Variants in VWA8 observed in about 807,000 individuals in gnomAD.
VWA8 encodes von Willebrand factor A domain containing 8, also known as von Willebrand factor A domain-containing protein 8.
A neutral mutation model predicts 241.5 loss-of-function variants in VWA8; 221 were observed. The ratio of observed to expected loss-of-function variants is 0.91; its 90% CI spans 0.82 to 1.02. The LOEUF (loss-of-function observed/expected upper bound fraction) is 1.02. Ranked by LOEUF, VWA8 falls within the 50% of genes least tolerant of loss-of-function variation. The pLI, the probability that VWA8 is intolerant of heterozygous loss-of-function variation, is 0.00. For missense variants in VWA8, 2,322 were observed against 2,328.7 expected, an observed-to-expected ratio of 1.00 and a Z score of 0.06; for synonymous variants, 852 against 827.1, an observed-to-expected ratio of 1.03 and a Z score of -0.52.
intron 13 of VWA8, 94 bp downstream of exon 13, chr13:41,833,277 T>TA (rs772578842): frequency 4.6e-5 from 64 of 1,392,400 alleles, no homozygotes; most frequent in East Asian, 7.6e-5. Flanking sequence ...CAACCCAGTT[T>TA]AAAAAAAAGA....
chr13:41,782,633 C>A (rs537492225), intron 19 of VWA8, among the ~76,000 whole-genome samples: 7 of 151,858 alleles, frequency 4.6e-5, no homozygotes, highest in African/African-American at 1.4e-4. Flanking sequence ...CTCTTTTCTA[C>A]GACATAAAAA....
At chr13:41,743,702 ACTT>A (rs2045584527) in intron 21 of VWA8, among the ~76,000 whole-genome samples, 1 of 152,166 alleles carries the variant, frequency 6.6e-6, no homozygotes, top group Non-Finnish European at 1.5e-5. Flanking sequence ...TATCATTTTC[ACTT>A]TATTAATAGC....
intron 15 of VWA8, among the ~76,000 whole-genome samples, chr13:41,817,312 A>G (rs977930123): frequency 6.6e-6 from 1 of 152,222 alleles, no homozygotes; most frequent in African/African-American, 2.4e-5. Flanking sequence ...TGATCAACAT[A>G]TCAATGAACT....
At position 41,863,452 on chromosome 13, in the gene VWA8, TATTCAC is replaced by T. The variant is rs1225939315; in HGVS notation, c.1425+2278_1425+2283del. ...GTGTGTGTATATATATATATATATA[TATTCAC>T]ACACACACACACACTATATATATTA... On this transcript the variant is annotated intron_variant, in intron 12 of 44. Coordinates refer to ENST00000379310, the MANE Select transcript of VWA8 (RefSeq NM_015058.2). Among the ~76,000 whole-genome samples the T allele has an allele frequency of 5.1e-4, 54 of 105,446 alleles. 2 individuals carry two copies. The highest frequency in any genetic ancestry group is 4.7e-3 in the Middle Eastern group (1 of 214). 69.2% of individuals were successfully genotyped at this position (105,446 alleles called of 152,430 possible).
At chr13:41,797,198 T>TA (rs1869744803) in intron 17 of VWA8, among the ~76,000 whole-genome samples, 1 of 146,564 alleles carries the variant, frequency 6.8e-6, no homozygotes, top group African/African-American at 2.5e-5. Flanking sequence ...ACCCAAGTAT[T>TA]TTTTTTTTTT....
chr13:41,638,313 T>A (rs1001070277), intron 37 of VWA8, among the ~76,000 whole-genome samples: 1 of 152,222 alleles, frequency 6.6e-6, no homozygotes, highest in African/African-American at 2.4e-5. Context: ...TTTTCTACTA[T>A]AAATTTTTGT....
At chr13:41,783,760 G>A in intron 19 of VWA8, 35 bp downstream of exon 19, 1 of 1,477,598 alleles carries the variant, frequency 6.8e-7, no homozygotes, top group Non-Finnish European at 9.4e-7. Flanking sequence ...CACAATTTAA[G>A]TGATTTATCC....
chr13:41,704,474 T>C (rs1017138501), intron 26 of VWA8, among the ~76,000 whole-genome samples: 1 of 151,918 alleles, frequency 6.6e-6, no homozygotes, highest in Non-Finnish European at 1.5e-5. Context: ...TTTTTTTTTT[T>C]TTTCTTTGAG....
chr13:41,882,808 G>T (rs1364890276), intron 9 of VWA8, among the ~76,000 whole-genome samples: 1 of 151,982 alleles, frequency 6.6e-6, no homozygotes, highest in African/African-American at 2.4e-5. Context: ...GAGAGGGAGA[G>T]GGAGACCGTG....
intron 31 of VWA8, among the ~76,000 whole-genome samples, 188 bp downstream of exon 31, chr13:41,691,686 T>C (rs1377062325): frequency 1.3e-5 from 2 of 152,122 alleles, no homozygotes; most frequent in African/African-American, 4.8e-5. Context: ...GGCTATGTCA[T>C]GGAATTGTGA....
chr13:41,926,620 C>T (rs1207059084), intron 2 of VWA8: 9 of 545,776 alleles, frequency 1.6e-5, no homozygotes, highest in South Asian at 6.9e-5. Flanking sequence ...ATGCAGACTA[C>T]CACAATCTCT....
chr13:41,597,466 A>G (rs967750357), intron 40 of VWA8, among the ~76,000 whole-genome samples: 1 of 152,128 alleles, frequency 6.6e-6, no homozygotes, highest in Admixed American at 6.6e-5. Flanking sequence ...TATGTACCTT[A>G]TTCTAAGGGA....
chr13:41,836,358 G>GA (rs1871729127), intron 12 of VWA8, among the ~76,000 whole-genome samples: 1 of 152,120 alleles, frequency 6.6e-6, no homozygotes, highest in Non-Finnish European at 1.5e-5. Flanking sequence ...TGTTAATTTT[G>GA]AAAATCACAG....
intron 21 of VWA8, among the ~76,000 whole-genome samples, chr13:41,757,984 GA>G (rs1261966422): frequency 6.6e-6 from 1 of 151,572 alleles, no homozygotes; most frequent in Non-Finnish European, 1.5e-5. Context: ...GACGGTAGCA[GA>G]AAATCAGGAT....
At chr13:41,847,022 T>G (rs1225387266) in intron 12 of VWA8, among the ~76,000 whole-genome samples, 2 of 152,142 alleles carry the variant, frequency 1.3e-5, no homozygotes, top group Non-Finnish European at 2.9e-5. Flanking sequence ...CAAGATTATG[T>G]CTCAAAAAAT....
chr13:41,826,072 TA>T (rs138325561), intron 14 of VWA8, among the ~76,000 whole-genome samples: 2 of 152,070 alleles, frequency 1.3e-5, no homozygotes, highest in South Asian at 4.1e-4. Flanking sequence ...ATTATAACCC[TA>T]AAAAAGAACA....
intron 12 of VWA8, among the ~76,000 whole-genome samples, chr13:41,842,292 A>G (rs1380256479): frequency 1.3e-5 from 2 of 152,166 alleles, no homozygotes; most frequent in African/African-American, 4.8e-5. Flanking sequence ...TTTGATCTCA[A>G]AAAGGCCTCT....
At chr13:41,584,447 T>A (rs2139642961) in intron 42 of VWA8, among the ~76,000 whole-genome samples, 1 of 152,248 alleles carries the variant, frequency 6.6e-6, no homozygotes, top group East Asian at 1.9e-4. Flanking sequence ...CCTTGCTGGG[T>A]CCACCTTGTC....
rs373418423 is a variant in VWA8 at position 41,624,844 on chromosome 13, G to C, written c.4612-9760C>G. Among the ~76,000 whole-genome samples the C allele has an allele frequency of 9.1e-4, 138 of 152,100 alleles. 1 individual carries two copies. In the South Asian group the frequency reaches 0.014, roughly 16 times the overall value. ...CAGAGCAATCAGACAAGATGAAGAA[G>C]TAAAAGGCATCCAAATAGAAAGACA... On this transcript the variant is annotated intron_variant, in intron 37 of 44. Coordinates refer to ENST00000379310, the MANE Select transcript of VWA8 (RefSeq NM_015058.2).
Sources: allele counts gnomAD v4.1 joint callset (sites outside exome capture counted in the v4.1 genomes callset), GRCh38; gene constraint gnomAD v4.1.1; transcripts MANE v1.5; gene names NCBI Gene and HGNC (gene_info 2026-07-23, HGNC 2026-07-21).